Variants in ZCWPW2 observed in about 807,000 individuals in gnomAD.
ZCWPW2 encodes zinc finger CW-type and PWWP domain containing 2.
ZCWPW2 carries 45 observed loss-of-function variants against 46.6 expected under a neutral mutation model. The observed-to-expected ratio is 0.96, with a 90% confidence interval of 0.76 to 1.24. ZCWPW2 has a LOEUF of 1.24. Among genes scored for constraint, ZCWPW2 ranks in the 50% most tolerant of loss-of-function variants. The pLI is 0.00. For missense variants in ZCWPW2, 429 were observed against 403.9 expected (o/e 1.06, Z -0.53); for synonymous variants, 152 against 137.1 (o/e 1.11, Z -0.76).
intron 4 of ZCWPW2, among the ~76,000 whole-genome samples, chr3:28,439,145 G>GTATA (rs35880062): frequency 1.9e-4 from 27 of 142,146 alleles, no homozygotes; most frequent in South Asian, 9.3e-4. Context: ...CATAGGATGT[G>GTATA]TATATATATA....
intron 1 of ZCWPW2, among the ~76,000 whole-genome samples, chr3:28,361,943 C>G (rs1704959044): frequency 6.6e-6 from 1 of 151,976 alleles, no homozygotes; most frequent in Admixed American, 6.6e-5. Context: ...AGTGGTGTAG[C>G]TGCTGTGGAA....
chr3:28,472,825 T>C (rs1309625349), intron 4 of ZCWPW2, among the ~76,000 whole-genome samples: 1 of 151,972 alleles, frequency 6.6e-6, no homozygotes. Flanking sequence ...AACTACCCAT[T>C]TGACAAGGGA....
intron 3 of ZCWPW2, among the ~76,000 whole-genome samples, chr3:28,429,399 G>T (rs1697150698): frequency 6.6e-6 from 1 of 152,106 alleles, no homozygotes; most frequent in African/African-American, 2.4e-5. Context: ...AAGTGACTTG[G>T]GTGCTCTAAA....
At chr3:28,440,794 C>T (rs1275314339) in intron 4 of ZCWPW2, among the ~76,000 whole-genome samples, 1 of 152,166 alleles carries the variant, frequency 6.6e-6, no homozygotes, top group Non-Finnish European at 1.5e-5. Context: ...ATAGTCTTGG[C>T]AGAAGCATTG....
At chr3:28,466,385 A>G (rs771909720) in intron 4 of ZCWPW2, among the ~76,000 whole-genome samples, 3 of 152,238 alleles carry the variant, frequency 2.0e-5, no homozygotes, top group Non-Finnish European at 4.4e-5. Context: ...GAAAATATGA[A>G]GAGACTAAAA....
Position 28,524,645 on chromosome 3 carries a change from C to T in ZCWPW2, c.1028C>T (p.Thr343Ile), listed in dbSNP as rs773556634. Reference sequence around the variant, plus strand: ...GCTGGAGAATGTATTGAGGATATAACTAATAAATTTAAAGAAATAGATGCT... The same window carrying T: ...GCTGGAGAATGTATTGAGGATATAATTAATAAATTTAAAGAAATAGATGCT... ...LKAGECIEDI[T>I]NKFKEIDALM... Residue 343 changes from threonine to isoleucine, a missense_variant, in exon 10 of 10, where the codon ACT becomes ATT. Coordinates refer to ENST00000383768, the MANE Select transcript of ZCWPW2 (RefSeq NM_001040432.4). 6.3e-7 allele frequency: 1 copy of T among 1,583,912 alleles called. No individual in the cohort carries two copies. The highest frequency in any genetic ancestry group is 8.6e-7 in the Non-Finnish European group (1 of 1,165,136).
intron 2 of ZCWPW2, among the ~76,000 whole-genome samples, chr3:28,394,818 A>G (rs1030005594): frequency 3.3e-5 from 5 of 152,164 alleles, no homozygotes; most frequent in South Asian, 2.1e-4. Flanking sequence ...GAGAGAAAAT[A>G]TAGGGGAAAT....
chr3:28,426,160 T>G (rs901785190), intron 3 of ZCWPW2, among the ~76,000 whole-genome samples: 1 of 151,860 alleles, frequency 6.6e-6, no homozygotes, highest in African/African-American at 2.4e-5. Context: ...ATTTTGCCTT[T>G]GCGTTTTACC....
chr3:28,352,245 C>T lies in ZCWPW2; in HGVS notation c.-134+3042C>T, dbSNP rs553058730. On this transcript the variant is annotated intron_variant, in intron 1 of 9. Coordinates refer to ENST00000383768, the MANE Select transcript of ZCWPW2 (RefSeq NM_001040432.4). Reference sequence around the variant, plus strand: ...ATCCAAACCTGTGTGCATCTTAAACCGGCAGTCTCTGAACTGGGCAACATA... The same window carrying T: ...ATCCAAACCTGTGTGCATCTTAAACTGGCAGTCTCTGAACTGGGCAACATA... Among the ~76,000 whole-genome samples the T allele has an allele frequency of 7.9e-5, 12 of 151,938 alleles. No homozygotes were observed. In the South Asian group the frequency reaches 2.1e-3, roughly 26 times the overall value.
intron 4 of ZCWPW2, among the ~76,000 whole-genome samples, chr3:28,448,775 A>G (rs571818952): frequency 3.9e-5 from 4 of 102,478 alleles, no homozygotes; most frequent in African/African-American, 1.5e-4. Flanking sequence ...ACCAAGTGAG[A>G]CTCTGTCTCA....
intron 9 of ZCWPW2, among the ~76,000 whole-genome samples, chr3:28,521,336 T>C (rs1306311102): frequency 2.0e-5 from 3 of 152,016 alleles, no homozygotes; most frequent in African/African-American, 7.2e-5. Flanking sequence ...AGTAGAGGAG[T>C]TCTTTTAATT....
intron 3 of ZCWPW2, among the ~76,000 whole-genome samples, chr3:28,414,030 A>G (rs1195620283): frequency 1.3e-5 from 2 of 152,038 alleles, no homozygotes; most frequent in East Asian, 3.8e-4. Flanking sequence ...GTGCACTTTC[A>G]GTATATAACT....
intron 6 of ZCWPW2, 135 bp from the exon 7 acceptor site, chr3:28,513,929 G>A (rs1031881307): frequency 9.2e-5 from 38 of 415,262 alleles, no homozygotes; most frequent in Non-Finnish European, 1.4e-4. Flanking sequence ...TTGACTAGAC[G>A]TAAAGATGTT....
intron 3 of ZCWPW2, among the ~76,000 whole-genome samples, chr3:28,417,839 T>C (rs1212498075): frequency 4.4e-5 from 1 of 22,502 alleles, no homozygotes; most frequent in Non-Finnish European, 8.9e-5. Context: ...AAACTCTCAA[T>C]AAATTAGGTA....
At chr3:28,387,041 G>A (rs12485652) in intron 1 of ZCWPW2, among the ~76,000 whole-genome samples, 33,284 of 151,980 alleles carry the variant, frequency 0.22, 3,950 homozygotes, top group Admixed American at 0.28. Context: ...TCCCCCTTCC[G>A]CCCAGCATCA....
At chr3:28,394,391 G>A (rs990014735) in intron 2 of ZCWPW2, among the ~76,000 whole-genome samples, 2 of 152,030 alleles carry the variant, frequency 1.3e-5, no homozygotes, top group African/African-American at 4.8e-5. Flanking sequence ...AATTCCAGTA[G>A]CATTTTTCAC....
intron 1 of ZCWPW2, among the ~76,000 whole-genome samples, chr3:28,359,378 CAATT>C (rs1304722181): frequency 5.3e-5 from 8 of 152,066 alleles, no homozygotes; most frequent in African/African-American, 1.2e-4. Flanking sequence ...GAGTCTAAGA[CAATT>C]AAAATTTGTT....
chr3:28,469,000 A>G (rs1425401704), intron 4 of ZCWPW2, among the ~76,000 whole-genome samples: 2 of 152,166 alleles, frequency 1.3e-5, no homozygotes, highest in Non-Finnish European at 2.9e-5. Flanking sequence ...AAAAATAGTA[A>G]CTGCAACAAC....
intron 1 of ZCWPW2, among the ~76,000 whole-genome samples, chr3:28,371,474 A>G (rs1266462265): frequency 1.3e-5 from 2 of 152,096 alleles, no homozygotes; most frequent in Admixed American, 6.6e-5. Context: ...CCAAGGAGTT[A>G]CACATCAAAG....
Sources: gnomAD v4.1 joint callset for allele counts (sites outside exome capture counted in the v4.1 genomes callset) on GRCh38, gnomAD v4.1.1 for gene constraint, MANE v1.5 for transcripts, NCBI Gene and HGNC (gene_info 2026-07-23, HGNC 2026-07-21) for gene names.